FES: variants seen among roughly 807,000 people sequenced by gnomAD.
The protein encoded by FES is FES proto-oncogene, tyrosine kinase.
A neutral mutation model predicts 109.6 loss-of-function variants in FES; 83 were observed. The observed-to-expected ratio is 0.76, with a 90% CI of 0.63 to 0.91. The LOEUF (loss-of-function observed/expected upper bound fraction) is 0.91, where lower values mean the gene tolerates loss of function less well. Among genes scored for constraint, FES ranks in the 40% least tolerant of loss-of-function variants. The pLI is 0.00. For synonymous variants in FES, 458 were observed against 442.1 expected, an observed-to-expected ratio of 1.04 and a Z score of -0.45; for missense variants, 943 against 1,070.9, an observed-to-expected ratio of 0.88 and a Z score of 1.67.
In FES at chr15:90,889,864, G is replaced by C. The variant is rs140213683; in HGVS notation, c.951G>C (p.Leu317=). Residue 317 remains leucine, a synonymous_variant, in exon 8 of 19, where the codon CTG becomes CTC. Transcript: ENST00000328850. The surrounding 1 kb of genome is among the most constrained non-coding windows in gnomAD (Gnocchi z 6.1). ...QHTLTSVTDE[L]AVATEMVFRR... ...GGCTGACCTCAGTGACAGATGAGCT[G>C]GCTGTGGCCACCGAGATGGTGTTCA... is the stretch of plus-strand genomic sequence containing the variant. 5 of 1,612,566 alleles carry C rather than the reference G, an allele frequency of 3.1e-6. No individual in the cohort carries two copies. Among genetic ancestry groups the C allele is most frequent in the Admixed American group, 1.7e-5 (1 of 59,898 alleles).
Position 90,891,538 on chromosome 15 carries a change from G to A in FES, c.1531-16G>A, listed in dbSNP as rs1596109060. 2 of 1,613,174 alleles carry A rather than the reference G, an allele frequency of 1.2e-6. No homozygotes were observed. Among genetic ancestry groups the A allele is most frequent in the African/African-American group, 2.7e-5 (2 of 74,926 alleles). ...TCAGAATGGAGGCTGCTGACCCCGGGTCCCCTGCCCTGCAGAACCTGTACC... is the reference window on the plus strand; with the variant it reads ...TCAGAATGGAGGCTGCTGACCCCGGATCCCCTGCCCTGCAGAACCTGTACC... On this transcript the variant is annotated splice_polypyrimidine_tract_variant and intron_variant, in intron 11 of 18. Transcript: ENST00000328850.
chr15:90,891,489 C>T (rs779568252), intron 11 of FES, 65 bp from the exon 12 acceptor site: 70 of 1,606,898 alleles, frequency 4.4e-5, no homozygotes, highest in Non-Finnish European at 5.7e-5. Flanking sequence ...CTCTCCCTTT[C>T]CCCCTCCCAG....
intron 16 of FES, 39 bp from the exon 17 acceptor site, chr15:90,893,615 G>T (rs768002003): frequency 5.9e-6 from 9 of 1,534,306 alleles, no homozygotes; most frequent in Non-Finnish European, 7.9e-6. Context: ...CTGGGCAGGC[G>T]ACTGTTGGCC....
Position 90,885,512 on chromosome 15 carries a change from T to C in FES, c.314T>C (p.Leu105Pro). Residue 105 changes from leucine (L) to proline (P), a missense_variant, in exon 3 of 19, where the codon CTC becomes CCC. Leu to Pro is a moderately conservative substitution (Grantham distance 98). Transcript: ENST00000328850. ...GGGCCCCTGAGCAAGCTGAGCCTGC[T>C]CATCCGGGAACGGCAGCAGCTTCGC... ...NSGPLSKLSL[L>P]IRERQQLRKT... 1 of 1,613,424 alleles carries C rather than the reference T, an allele frequency of 6.2e-7. No homozygotes were observed. Among genetic ancestry groups the C allele is most frequent in the Non-Finnish European group, 8.5e-7 (1 of 1,180,026 alleles).
Position 90,889,491 on chromosome 15 carries a change from C to T in FES, c.807-26C>T, listed in dbSNP as rs756163847. 5 of 1,613,766 alleles carry T rather than the reference C, an allele frequency of 3.1e-6. No homozygotes were observed. The highest frequency in any genetic ancestry group is 3.3e-5 in the Admixed American group (2 of 60,002). Reference sequence around the variant, plus strand: ...CTGGGCCCAGGGCTGCTGGCCTGTCCACTGACGGGGCGCTGTCCCCCACAG... The same window carrying T: ...CTGGGCCCAGGGCTGCTGGCCTGTCTACTGACGGGGCGCTGTCCCCCACAG... On this transcript the variant is annotated intron_variant, in intron 6 of 18. Coordinates refer to ENST00000328850, the MANE Select transcript of FES (RefSeq NM_002005.4). The surrounding 1 kb of genome is among the most constrained non-coding windows in gnomAD (Gnocchi z 6.1).
Position 90,894,122 on chromosome 15 carries a change from C to T in FES, c.2326+64C>T, listed in dbSNP as rs1596117674. The stretch of plus-strand genomic sequence containing the variant: ...CTCTTCCAGATGCTCCAGCCGGACT[C>T]TTCTAACTCCCTTAATGCCAACCTT... On this transcript the variant is annotated intron_variant, in intron 18 of 18. Coordinates refer to ENST00000328850, the MANE Select transcript of FES (RefSeq NM_002005.4). 9 of 1,571,770 alleles carry T rather than the reference C, an allele frequency of 5.7e-6. No individual in the cohort carries two copies. The East Asian group carries it at 2.0e-4, about 35-fold the overall frequency.
chr15:90,889,209 C>A lies in FES; in HGVS notation c.669-97C>A. The A allele has an allele frequency of 6.5e-7, 1 of 1,531,048 alleles. No individual in the cohort carries two copies. 94.8% of individuals were successfully genotyped at this position (1,531,048 alleles called of 1,614,324 possible). On this transcript the variant is annotated intron_variant, in intron 5 of 18. Coordinates refer to ENST00000328850, the MANE Select transcript of FES (RefSeq NM_002005.4). The surrounding 1 kb of genome is among the most constrained non-coding windows in gnomAD (Gnocchi z 6.1). ...TAGCTCGAAGTGAGGCAGGGGTCAACCCCAGCCCTGACTCCAAACCCAGGG... is the reference window on the plus strand; with the variant it reads ...TAGCTCGAAGTGAGGCAGGGGTCAAACCCAGCCCTGACTCCAAACCCAGGG...
In FES at chr15:90,890,217, G is replaced by T. The variant is rs753206722; in HGVS notation, c.1175G>T (p.Gly392Val). The T allele has an allele frequency of 2.5e-6, 4 of 1,599,992 alleles. No homozygotes were observed. The highest frequency in any genetic ancestry group is 2.7e-5 in the African/African-American group (2 of 74,834). ...ELLQTKLEHL[G>V]PGEPPPVLLL... Reference sequence around the variant, plus strand: ...CTGCAGACCAAGCTGGAGCACCTGGGCCCCGGCGAGCCCCCGCCTGTGCTG... The same window carrying T: ...CTGCAGACCAAGCTGGAGCACCTGGTCCCCGGCGAGCCCCCGCCTGTGCTG... The change falls in exon 9 of 19, where the codon GGC (glycine) becomes GTC (valine). Residue 392 changes from glycine to valine, a missense_variant. Coordinates refer to ENST00000328850, the MANE Select transcript of FES (RefSeq NM_002005.4).
At chr15:90,885,677 G>C in intron 3 of FES, 92 bp downstream of exon 3, 1 of 1,499,168 alleles carries the variant, frequency 6.7e-7, no homozygotes, top group Non-Finnish European at 8.9e-7. Flanking sequence ...GATTCACTGG[G>C]GAAGTGTAAG....
rs767493516 is a variant in FES, at chr15:90,891,184, C to T, written c.1523C>T (p.Ser508Phe). ...DGLPRHFIIQ[S>F]LDNLYRLEGE... is the part of the protein sequence containing the mutation. ...CTGCCCCGGCACTTCATCATCCAGT[C>T]CTTGGATGTGAGTGGGGCTGGGACC... Residue 508 changes from serine (S) to phenylalanine (F), a missense_variant, in exon 11 of 19, where the codon TCC becomes TTC. Ser to Phe is a radical substitution (Grantham distance 155, BLOSUM62 -2). Coordinates refer to ENST00000328850, the MANE Select transcript of FES (RefSeq NM_002005.4). The T allele has an allele frequency of 1.3e-6, 2 of 1,555,322 alleles. No individual in the cohort carries two copies. The highest frequency in any genetic ancestry group is 8.7e-7 in the Non-Finnish European group (1 of 1,149,954).
At position 90,885,542 on chromosome 15, in the gene FES, C is replaced by T. The variant is rs1193180986; in HGVS notation, c.344C>T (p.Thr115Ile). The T allele has an allele frequency of 6.2e-7, 1 of 1,613,220 alleles. No individual in the cohort carries two copies. The highest frequency in any genetic ancestry group is 8.5e-7 in the Non-Finnish European group (1 of 1,180,010). ...LIRERQQLRK[T>I]YSEQWQQLQQ... Reference sequence around the variant, plus strand: ...CGGGAACGGCAGCAGCTTCGCAAGACCTACAGCGAGCAGTGGCAGCAGCTG... The same window carrying T: ...CGGGAACGGCAGCAGCTTCGCAAGATCTACAGCGAGCAGTGGCAGCAGCTG... Residue 115 changes from threonine (T) to isoleucine (I), a missense_variant, in exon 3 of 19, where the codon ACC becomes ATC. Coordinates refer to ENST00000328850, the MANE Select transcript of FES (RefSeq NM_002005.4).
Position 90,895,441 on chromosome 15 carries a change from G to T in FES, c.2352G>T (p.Leu784=). Reference sequence around the variant, plus strand: ...GGGGCCGTCTGCCCTGCCCAGAGCTGTGTCCTGATGCCGTGTTCAGGCTCA... The same window carrying T: ...GGGGCCGTCTGCCCTGCCCAGAGCTTTGTCCTGATGCCGTGTTCAGGCTCA... The part of the protein sequence containing the change: ...EKGGRLPCPE[L]CPDAVFRLME... The change falls in exon 19 of 19, where the codon CTG becomes CTT. Residue 784 remains leucine, a synonymous_variant. Transcript: ENST00000328850. 1 of 1,581,468 alleles carries T rather than the reference G, an allele frequency of 6.3e-7. No homozygotes were observed. The highest frequency in any genetic ancestry group is 8.6e-7 in the Non-Finnish European group (1 of 1,161,052).
rs771016647 is a variant in FES, at chr15:90,889,295, C to T, written c.669-11C>T. ...AGGCTCCCCTGACTGGGGATCCCGT[C>T]TCGGGGGCAGGAAGGAGATCCTGCA... On this transcript the variant is annotated splice_polypyrimidine_tract_variant and intron_variant, in intron 5 of 18. Coordinates refer to ENST00000328850, the MANE Select transcript of FES (RefSeq NM_002005.4). The surrounding 1 kb of genome is among the most constrained non-coding windows in gnomAD (Gnocchi z 6.1). 4 of 1,612,800 alleles carry T rather than the reference C, an allele frequency of 2.5e-6. No homozygotes were observed. In the South Asian group the frequency reaches 3.3e-5, roughly 13 times the overall value.
chr15:90,885,264 T>A lies in FES; in HGVS notation c.213+6T>A, dbSNP rs1259452494. ...CTGACAGCCCCATCAGTCAGGTGGG[T>A]CTCTATGGGACTCTGGTGGGTGCTG... On this transcript the variant is annotated splice_donor_region_variant and intron_variant, in intron 2 of 18. Coordinates refer to ENST00000328850, the MANE Select transcript of FES (RefSeq NM_002005.4). 2 of 1,610,542 alleles carry A rather than the reference T, an allele frequency of 1.2e-6. No individual in the cohort carries two copies. The highest frequency in any genetic ancestry group is 1.3e-5 in the African/African-American group (1 of 74,544).
Position 90,889,038 on chromosome 15 carries a change from C to T in FES, c.669-268C>T, listed in dbSNP as rs2032941031. ...AACTGACCTCAGGCAATCCACCCGC[C>T]TCGACCTCCCAGTGTTGGTATTATA... On this transcript the variant is annotated intron_variant, in intron 5 of 18. Coordinates refer to ENST00000328850, the MANE Select transcript of FES (RefSeq NM_002005.4). This position sits in a 1 kb window ranked among gnomAD's most constrained non-coding sequence, Gnocchi z 6.1. Among the ~76,000 whole-genome samples, 1 of 152,218 alleles carries T rather than the reference C, an allele frequency of 6.6e-6. No individual in the cohort carries two copies. The highest frequency in any genetic ancestry group is 2.4e-5 in the African/African-American group (1 of 41,442).
chr15:90,892,286 C>A (rs11638635), intron 13 of FES, 175 bp downstream of exon 13: 6 of 686,462 alleles, frequency 8.7e-6, no homozygotes, highest in Middle Eastern at 7.8e-4. Flanking sequence ...CAGTACCTAC[C>A]CTGAAAACTC....
intron 5 of FES, among the ~76,000 whole-genome samples, chr15:90,888,837 G>A (rs1284463672): frequency 6.6e-6 from 1 of 151,636 alleles, no homozygotes; most frequent in Non-Finnish European, 1.5e-5. Context: ...GAGTGCAGTG[G>A]CGCGATCTTG....
At chr15:90,892,287 C>G in intron 13 of FES, 176 bp downstream of exon 13, 1 of 671,372 alleles carries the variant, frequency 1.5e-6, no homozygotes, top group East Asian at 2.7e-5. Flanking sequence ...AGTACCTACC[C>G]TGAAAACTCC....
chr15:90,889,460 C>A lies in FES; in HGVS notation c.806+17C>A. On this transcript the variant is annotated intron_variant, in intron 6 of 18. Transcript: ENST00000328850. The surrounding 1 kb of genome is among the most constrained non-coding windows in gnomAD (Gnocchi z 6.1). Reference sequence around the variant, plus strand: ...ACAGTATGGGTAAGCCCCGTCCTTGCTCCTGCTGGGCCCAGGGCTGCTGGC... The same window carrying A: ...ACAGTATGGGTAAGCCCCGTCCTTGATCCTGCTGGGCCCAGGGCTGCTGGC... The A allele has an allele frequency of 4.3e-6, 7 of 1,613,948 alleles. No homozygotes were observed. Among genetic ancestry groups the A allele is most frequent in the Non-Finnish European group, 5.9e-6 (7 of 1,179,952 alleles).
Sources: allele counts gnomAD v4.1 joint callset (sites outside exome capture counted in the v4.1 genomes callset), GRCh38; gene constraint gnomAD v4.1.1; non-coding constraint Gnocchi (gnomAD v3.1); transcripts MANE v1.5; gene names NCBI Gene and HGNC (gene_info 2026-07-23, HGNC 2026-07-21).